The following TENM1 variants were observed in gnomAD, a reference collection of about 807,000 sequenced individuals.
TENM1 encodes the protein teneurin-1.
TENM1 carries 35 observed loss-of-function variants against 174.8 expected under a neutral mutation model. The ratio of observed to expected loss-of-function variants is 0.20; its 90% confidence interval spans 0.15 to 0.27. The LOEUF is 0.27. Ranked by LOEUF, TENM1 falls within the 10% of genes least tolerant of loss-of-function variation. The pLI is 1.00. For missense variants in TENM1, 1,633 were observed against 2,130.1 expected, an observed-to-expected ratio of 0.77 and a Z score of 4.59; for synonymous variants, 781 against 798.7, an observed-to-expected ratio of 0.98 and a Z score of 0.37.
chrX:124,760,571 G>C (rs2054384240), intron 3 of TENM1, among the ~76,000 whole-genome samples: 1 of 111,780 alleles, frequency 8.9e-6, no homozygotes, highest in Non-Finnish European at 1.9e-5. Context: ...TTAAATGTTA[G>C]ACCTAAAACC....
At chrX:125,189,449 G>A in the TENM1 span, among the ~76,000 whole-genome samples, 1 of 112,299 alleles carries the variant, frequency 8.9e-6, no homozygotes, top group Non-Finnish European at 1.9e-5. Flanking sequence ...AAAAACAGCA[G>A]AAGCTATTAA....
At chrX:124,568,810 G>A (rs1217758813) in intron 11 of TENM1, among the ~76,000 whole-genome samples, 2 of 111,624 alleles carry the variant, frequency 1.8e-5, no homozygotes, top group Admixed American at 1.9e-4. Context: ...AGCAGCATCT[G>A]TCAATTATAC....
intron 11 of TENM1, among the ~76,000 whole-genome samples, chrX:124,634,037 CT>C (rs2050821190): frequency 9.0e-6 from 1 of 111,612 alleles, no homozygotes; most frequent in African/African-American, 3.2e-5. Flanking sequence ...TAATGTTTAT[CT>C]TTTATTTTTT....
the TENM1 span, among the ~76,000 whole-genome samples, chrX:125,199,044 T>C: frequency 8.9e-6 from 1 of 111,971 alleles, no homozygotes; most frequent in Non-Finnish European, 1.9e-5. Flanking sequence ...TTTAGTTCAT[T>C]GGGCATTTTA....
intron 22 of TENM1, among the ~76,000 whole-genome samples, chrX:124,477,373 T>C (rs904663386): frequency 1.8e-5 from 2 of 112,442 alleles, no homozygotes; most frequent in Non-Finnish European, 3.8e-5. Flanking sequence ...AAGTTATTTA[T>C]CTTGTAAATA....
the TENM1 span, among the ~76,000 whole-genome samples, chrX:124,992,994 T>A: frequency 9.0e-6 from 1 of 111,058 alleles, no homozygotes; most frequent in Admixed American, 9.6e-5. Flanking sequence ...ACAAGACTAG[T>A]GGCTTTGATT....
the TENM1 span, among the ~76,000 whole-genome samples, chrX:125,141,379 A>AT: frequency 6.5e-4 from 73 of 112,072 alleles, no homozygotes; most frequent in Non-Finnish European, 1.2e-3. Flanking sequence ...AGAAGCAGAC[A>AT]TAAGAAAAAC....
At chrX:124,442,092 C>G (rs2060909650) in intron 23 of TENM1, among the ~76,000 whole-genome samples, 1 of 112,109 alleles carries the variant, frequency 8.9e-6, no homozygotes, top group Non-Finnish European at 1.9e-5. Context: ...TTCATCGTCC[C>G]TGTCTTGCTG....
chrX:124,938,359 C>T (rs893303035), intron 1 of TENM1, among the ~76,000 whole-genome samples: 16 of 112,382 alleles, frequency 1.4e-4, no homozygotes, highest in Admixed American at 1.4e-3. Context: ...TGTTTTTCTG[C>T]CTGTGTGATG....
the TENM1 span, among the ~76,000 whole-genome samples, chrX:125,088,398 A>C: frequency 9.0e-6 from 1 of 110,906 alleles, no homozygotes; most frequent in African/African-American, 3.3e-5. Flanking sequence ...AATCTGAATA[A>C]ATCAGGGACT....
intron 3 of TENM1, among the ~76,000 whole-genome samples, chrX:124,892,095 T>C (rs2057486467): frequency 8.9e-6 from 1 of 111,776 alleles, no homozygotes; most frequent in Non-Finnish European, 1.9e-5. Flanking sequence ...GAATAAAGCA[T>C]GATGGTTGAT....
At chrX:125,017,680 T>C in the TENM1 span, among the ~76,000 whole-genome samples, 1 of 111,956 alleles carries the variant, frequency 8.9e-6, no homozygotes, top group Non-Finnish European at 1.9e-5. Context: ...CACCATGGAA[T>C]ACTAGGCAGC....
At chrX:125,052,261 A>G in the TENM1 span, among the ~76,000 whole-genome samples, 1 of 111,505 alleles carries the variant, frequency 9.0e-6, no homozygotes, top group Non-Finnish European at 1.9e-5. Flanking sequence ...AACAAACCAT[A>G]CTTAGGACGA....
chrX:124,594,071 T>G (rs1177098020), intron 11 of TENM1, among the ~76,000 whole-genome samples: 1 of 112,255 alleles, frequency 8.9e-6, no homozygotes, highest in African/African-American at 3.2e-5. Context: ...CTGGTATCTT[T>G]CTCTCACAGC....
intron 22 of TENM1, among the ~76,000 whole-genome samples, chrX:124,455,431 T>C (rs1453399971): frequency 8.9e-6 from 1 of 112,129 alleles, no homozygotes; most frequent in Non-Finnish European, 1.9e-5. Context: ...GCAACATCAA[T>C]TTCTTGATTG....
chrX:124,814,824 C>T (rs919948733), intron 3 of TENM1, among the ~76,000 whole-genome samples: 2 of 111,630 alleles, frequency 1.8e-5, no homozygotes, highest in South Asian at 3.7e-4. Flanking sequence ...TCCTGACCTG[C>T]CTTATTTAAC....
chrX:124,516,248 C>T (rs112716019), intron 18 of TENM1, among the ~76,000 whole-genome samples: 1 of 111,897 alleles, frequency 8.9e-6, no homozygotes, highest in Non-Finnish European at 1.9e-5. Context: ...TATAAAAACC[C>T]TGGAAGACAA....
At chrX:125,146,316 T>A in the TENM1 span, among the ~76,000 whole-genome samples, 34 of 109,162 alleles carry the variant, frequency 3.1e-4, no homozygotes, top group African/African-American at 1.1e-3. Context: ...GGGGAGGGGG[T>A]TTAAGGATTT....
intron 1 of TENM1, among the ~76,000 whole-genome samples, chrX:124,919,522 C>G (rs1038591766): frequency 5.5e-5 from 6 of 109,965 alleles, no homozygotes; most frequent in Non-Finnish European, 1.1e-4. Flanking sequence ...GGGATGCATA[C>G]ATACATGGCA....
Sources: gnomAD v4.1 joint callset for allele counts (sites outside exome capture counted in the v4.1 genomes callset) on GRCh38, gnomAD v4.1.1 for gene constraint, MANE v1.5 for transcripts, NCBI Gene and HGNC (gene_info 2026-07-23, HGNC 2026-07-21) for gene names.